Variants in SLC9A9 observed in about 807,000 individuals in gnomAD.
The protein encoded by SLC9A9 is solute carrier family 9 member A9, also known as sodium/hydrogen exchanger 9.
Under a neutral mutation model 77.8 loss-of-function variants are expected in SLC9A9, and 62 were observed. The ratio of observed to expected loss-of-function variants is 0.80; its 90% CI spans 0.65 to 0.98. The LOEUF is 0.98. Among genes scored for constraint, SLC9A9 ranks in the 50% least tolerant of loss-of-function variants. The pLI, the probability that SLC9A9 is intolerant of heterozygous loss-of-function variation, is 0.00. For missense variants in SLC9A9, 775 were observed against 774.9 expected (o/e 1.00, Z 0.00); for synonymous variants, 320 against 283.5 (o/e 1.13, Z -1.29).
rs115546701 is a variant in SLC9A9 at position 143,500,553 on chromosome 3, C to T, written c.1090-5105G>A. On this transcript the variant is annotated intron_variant, in intron 9 of 15. Coordinates refer to ENST00000316549, the MANE Select transcript of SLC9A9 (RefSeq NM_173653.4). ...TCAGGTCCTGGATGTCATGGCTGCT[C>T]ATGTCAGACACCTGCTTTTCTGTGT... Among the ~76,000 whole-genome samples the T allele has an allele frequency of 5.5e-3, 833 of 152,184 alleles. 8 individuals are homozygous for T. The highest frequency in any genetic ancestry group is 0.019 in the African/African-American group (803 of 41,540).
intron 4 of SLC9A9, among the ~76,000 whole-genome samples, chr3:143,701,550 A>G (rs560399816): frequency 6.6e-6 from 1 of 152,276 alleles, no homozygotes; most frequent in South Asian, 2.1e-4. Flanking sequence ...CAACAGCAGA[A>G]TTGATCAAGC....
At chr3:143,511,106 C>T (rs192954438) in intron 9 of SLC9A9, among the ~76,000 whole-genome samples, 114 of 152,296 alleles carry the variant, frequency 7.5e-4, no homozygotes, top group Admixed American at 6.9e-3. Flanking sequence ...GGGCAATTCT[C>T]GCACTTTCAT....
chr3:143,296,239 CTCTGGAAACCACTATTCTCTCTTTT>C lies in SLC9A9; in HGVS notation c.1605-27284_1605-27260del, dbSNP rs569066330. On this transcript the variant is annotated intron_variant, in intron 14 of 15. Coordinates refer to ENST00000316549, the MANE Select transcript of SLC9A9 (RefSeq NM_173653.4). ...AACTTCCCATTTCTCCCTCCCTAGC[CTCTGGAAACCACTATTCTCTCTTTT>C]TCTGTGAGTTTAATTATTTTGGATA... Among the ~76,000 whole-genome samples the C allele has an allele frequency of 1.7e-4, 26 of 152,320 alleles. No homozygotes were observed. In the East Asian group the frequency reaches 5.0e-3, roughly 29 times the overall value.
intron 9 of SLC9A9, among the ~76,000 whole-genome samples, chr3:143,500,097 A>C (rs1404515461): frequency 6.6e-6 from 1 of 152,200 alleles, no homozygotes; most frequent in Non-Finnish European, 1.5e-5. Context: ...ATGCTTAGGA[A>C]AATTCTAGGC....
chr3:143,339,865 C>T (rs1289134146), intron 14 of SLC9A9, among the ~76,000 whole-genome samples: 1 of 152,136 alleles, frequency 6.6e-6, no homozygotes, highest in East Asian at 1.9e-4. Flanking sequence ...CTGGGAGTGA[C>T]AACTCCTTCT....
chr3:143,625,255 A>G (rs192323205), intron 6 of SLC9A9, among the ~76,000 whole-genome samples: 4,990 of 152,320 alleles, frequency 0.033, 285 homozygotes, highest in African/African-American at 0.11. Flanking sequence ...ACAGAATTGG[A>G]AAAAACTACT....
At chr3:143,457,387 A>G (rs1052622095) in intron 12 of SLC9A9, among the ~76,000 whole-genome samples, 1 of 152,102 alleles carries the variant, frequency 6.6e-6, no homozygotes, top group African/African-American at 2.4e-5. Context: ...AAGTATATCA[A>G]TTTTATTGCT....
Position 143,461,244 on chromosome 3 carries a change from C to A in SLC9A9, c.1469+5793G>T, listed in dbSNP as rs113702642. Among the ~76,000 whole-genome samples the A allele has an allele frequency of 9.7e-3, 1,477 of 152,206 alleles. 21 individuals are homozygous for A. Among genetic ancestry groups the A allele is most frequent in the African/African-American group, 0.033 (1,371 of 41,542 alleles). The stretch of plus-strand genomic sequence containing the variant: ...TATAATCCTTTTTGTGAGCATTTTT[C>A]TTTAAGGCGTTTATCATTTTAAATG... On this transcript the variant is annotated intron_variant, in intron 12 of 15. Transcript: ENST00000316549.
At chr3:143,497,258 C>A (rs1008801946) in intron 9 of SLC9A9, among the ~76,000 whole-genome samples, 6 of 152,154 alleles carry the variant, frequency 3.9e-5, no homozygotes, top group Non-Finnish European at 7.3e-5. Context: ...GAACATTTTG[C>A]CACCTGGACT....
rs1312425166 is a variant in SLC9A9, at chr3:143,370,563, GCGCGCACA to G, written c.1525-7008_1525-7001del. On this transcript the variant is annotated intron_variant, in intron 13 of 15. Coordinates refer to ENST00000316549, the MANE Select transcript of SLC9A9 (RefSeq NM_173653.4). ...TACATGTACACAAGTATATGCATGT[GCGCGCACA>G]CACACACACACACACACACACACAC... Among the ~76,000 whole-genome samples the G allele has an allele frequency of 1.1e-3, 55 of 49,986 alleles. No homozygotes were observed. In the East Asian group the frequency reaches 0.022, roughly 20 times the overall value. 32.8% of individuals were successfully genotyped at this position (49,986 alleles called of 152,430 possible).
intron 9 of SLC9A9, among the ~76,000 whole-genome samples, chr3:143,496,124 A>T (rs1191208507): frequency 6.6e-6 from 1 of 152,256 alleles, no homozygotes; most frequent in East Asian, 1.9e-4. Flanking sequence ...GCAAGAACAC[A>T]ATAGATACAT....
In SLC9A9 at chr3:143,848,239, A is replaced by G. The variant is rs377741931; in HGVS notation, c.84T>C (p.Asn28=). 3.9e-5 allele frequency: 63 copies of G among 1,613,882 alleles called. No homozygotes were observed. The highest frequency in any genetic ancestry group is 5.0e-5 in the Non-Finnish European group (59 of 1,179,954). ...TCAAAATGGTAAGGATGAGCAAAAA[A>G]TTGAAGACAAGCAGCTCCACCGCTC... ...HQGAVELLVF[N]FLLILTILTI... The change falls in exon 1 of 16, where the codon AAT becomes AAC. Residue 28 remains asparagine (N), a synonymous_variant. Transcript: ENST00000316549.
At chr3:143,696,821 T>C (rs1332438411) in intron 4 of SLC9A9, among the ~76,000 whole-genome samples, 2 of 152,132 alleles carry the variant, frequency 1.3e-5, no homozygotes, top group African/African-American at 2.4e-5. Flanking sequence ...TACCAAGGTA[T>C]GGCAGGGTTA....
intron 4 of SLC9A9, among the ~76,000 whole-genome samples, chr3:143,784,875 T>C (rs748376114): frequency 3.3e-5 from 5 of 152,290 alleles, no homozygotes; most frequent in Admixed American, 6.5e-5. Flanking sequence ...ATGAGTGAGA[T>C]GAGTGCCCTT....
At chr3:143,335,425 A>G (rs1361373986) in intron 14 of SLC9A9, among the ~76,000 whole-genome samples, 6 of 152,214 alleles carry the variant, frequency 3.9e-5, no homozygotes. Context: ...AAAAGATTCT[A>G]AAATTCACGT....
chr3:143,705,280 G>A (rs910159539), intron 4 of SLC9A9, among the ~76,000 whole-genome samples: 4 of 152,036 alleles, frequency 2.6e-5, no homozygotes, highest in African/African-American at 4.8e-5. Context: ...TAGGAAGATT[G>A]TTAACAGAAG....
At chr3:143,651,540 C>T (rs1348109746) in intron 6 of SLC9A9, among the ~76,000 whole-genome samples, 1 of 152,180 alleles carries the variant, frequency 6.6e-6, no homozygotes, top group African/African-American at 2.4e-5. Flanking sequence ...ATTGACTTTC[C>T]TTTGGGATAT....
chr3:143,625,917 A>T (rs1274805636), intron 6 of SLC9A9, among the ~76,000 whole-genome samples: 2 of 152,258 alleles, frequency 1.3e-5, no homozygotes, highest in Non-Finnish European at 2.9e-5. Context: ...ACAAATTTAC[A>T]AGAAAAAAAC....
intron 5 of SLC9A9, among the ~76,000 whole-genome samples, chr3:143,689,788 T>A (rs1371383772): frequency 6.6e-6 from 1 of 152,102 alleles, no homozygotes; most frequent in African/African-American, 2.4e-5. Context: ...AAGAACCATG[T>A]GCGTAGTAGC....
Sources: allele counts gnomAD v4.1 joint callset (sites outside exome capture counted in the v4.1 genomes callset), GRCh38; gene constraint gnomAD v4.1.1; transcripts MANE v1.5; gene names NCBI Gene and HGNC (gene_info 2026-07-23, HGNC 2026-07-21).